Variants in PDZK1 observed in about 807,000 individuals in gnomAD.
The protein encoded by PDZK1 is PDZ domain containing 1.
In PDZK1, 23 loss-of-function variants were observed where a neutral mutation model predicts 38.1. The observed-to-expected ratio is 0.60, with a 90% CI of 0.43 to 0.85. PDZK1 has a LOEUF of 0.85. Among genes scored for constraint, PDZK1 ranks in the 40% least tolerant of loss-of-function variants. The pLI, the probability that PDZK1 is intolerant of heterozygous loss-of-function variation, is 0.00. For missense variants in PDZK1, 297 were observed against 504.3 expected (o/e 0.59, Z 3.94); for synonymous variants, 98 against 186.2 (o/e 0.53, Z 3.86).
chr1:145,696,111 G>A (rs143288076), intron 1 of PDZK1, among the ~76,000 whole-genome samples: 613 of 152,290 alleles, frequency 4.0e-3, no homozygotes, highest in South Asian at 0.017. Flanking sequence ...ATCCCCTGTC[G>A]CAGAGTGGCA....
chr1:145,702,409 G>A (rs1212635785), intron 1 of PDZK1, among the ~76,000 whole-genome samples: 5 of 151,840 alleles, frequency 3.3e-5, no homozygotes, highest in South Asian at 4.2e-4. Flanking sequence ...CAGCTCAACC[G>A]CCTTGAGTGC....
rs372829934 is a variant in PDZK1 at position 145,687,940 on chromosome 1, T to C, written c.82A>G (p.Lys28Glu). 2.5e-6 allele frequency: 4 copies of C among 1,612,238 alleles called. No homozygotes were observed. The African/African-American group carries it at 5.4e-5, about 22-fold the overall frequency. Residue 28 changes from lysine (K) to glutamate (E), a missense_variant, in exon 2 of 9, where the codon AAG becomes GAG. Lys to Glu is a moderately conservative substitution (Grantham distance 56, BLOSUM62 1). Transcript: ENST00000417171. ...QNYGFFLRIE[K>E]DTEGHLVRVV... ...CGGACCAGGTGGCCCTCGGTGTCCT[T>C]CTCAATTCGCAGGAAGAAGCCATAG...
chr1:145,677,932 AAAAAAAAC>A (rs1275090037), intron 6 of PDZK1, among the ~76,000 whole-genome samples: 4 of 150,424 alleles, frequency 2.7e-5, no homozygotes, highest in Non-Finnish European at 5.9e-5. Context: ...AAAAAAAAAA[AAAAAAAAC>A]CTTAAAACAT....
chr1:145,674,367 A>G (rs1243098285), intron 6 of PDZK1: 1 of 612,350 alleles, frequency 1.6e-6, no homozygotes, highest in Admixed American at 6.3e-5. Flanking sequence ...GACACTTGTG[A>G]TAGTTAATTT....
intron 1 of PDZK1, among the ~76,000 whole-genome samples, chr1:145,702,892 CA>C (rs797040996): frequency 1.3e-5 from 2 of 150,832 alleles, no homozygotes; most frequent in African/African-American, 4.9e-5. Context: ...GACTCCGTCT[CA>C]AAAAAAAAGA....
rs1654195571 is a variant in PDZK1, at chr1:145,681,073, A to G, written c.632T>C (p.Leu211Pro). 1 of 565,824 alleles carries G rather than the reference A, an allele frequency of 1.8e-6. No individual in the cohort carries two copies. The highest frequency in any genetic ancestry group is 3.1e-6 in the Non-Finnish European group (1 of 324,980). 35.1% of individuals were successfully genotyped at this position (565,824 alleles called of 1,614,324 possible). The change falls in exon 5 of 9, where the codon CTG becomes CCG. Residue 211 changes from leucine to proline, a missense_variant. Transcript: ENST00000417171. ...ACGCTTGTCAGTTTCTTTGTCCACCAGCAGGAACATGACACGGCTTCCTGA... is the reference window on the plus strand; with the variant it reads ...ACGCTTGTCAGTTTCTTTGTCCACCGGCAGGAACATGACACGGCTTCCTGA... ...KKSGSRVMFL[L>P]VDKETDKRHV... is the part of the protein sequence containing the mutation.
intron 1 of PDZK1, among the ~76,000 whole-genome samples, chr1:145,700,607 T>C (rs1231094772): frequency 6.6e-6 from 1 of 152,128 alleles, no homozygotes; most frequent in Non-Finnish European, 1.5e-5. Context: ...ATAAACAGCA[T>C]TCTGCTTGGA....
chr1:145,701,077 C>T (rs1797051), intron 1 of PDZK1, among the ~76,000 whole-genome samples: 57,445 of 151,466 alleles, frequency 0.38, 11,996 homozygotes, highest in East Asian at 0.6. Flanking sequence ...TGGTGGCACA[C>T]GCCTGTAGTC....
At chr1:145,697,331 GGGAA>G (rs1217959853) in intron 1 of PDZK1, among the ~76,000 whole-genome samples, 5 of 151,350 alleles carry the variant, frequency 3.3e-5, no homozygotes, top group Admixed American at 1.3e-4. Context: ...ACAGAAAGGA[GGGAA>G]GGAAGGAAGG....
At chr1:145,702,395 TAGAC>T (rs1427333142) in intron 1 of PDZK1, among the ~76,000 whole-genome samples, 2 of 152,180 alleles carry the variant, frequency 1.3e-5, no homozygotes, top group Non-Finnish European at 2.9e-5. Context: ...ATGCTGCTGA[TAGAC>T]AGCTCAACCG....
intron 3 of PDZK1, among the ~76,000 whole-genome samples, chr1:145,683,881 C>G (rs1388618087): frequency 6.7e-6 from 1 of 148,610 alleles, no homozygotes; most frequent in Non-Finnish European, 1.5e-5. Context: ...GAGTCTCGCT[C>G]TGTCACCTAG....
chr1:145,692,372 A>T (rs1655288152), intron 1 of PDZK1, among the ~76,000 whole-genome samples: 1 of 152,178 alleles, frequency 6.6e-6, no homozygotes. Flanking sequence ...GCTGTTCCTG[A>T]GTGCTCTTTG....
At chr1:145,701,905 A>G (rs1553705030) in intron 1 of PDZK1, among the ~76,000 whole-genome samples, 1 of 152,246 alleles carries the variant, frequency 6.6e-6, no homozygotes, top group East Asian at 1.9e-4. Context: ...TTCTCCTCTG[A>G]AAAGCAAAGC....
chr1:145,695,628 G>T (rs1655587371), intron 1 of PDZK1, among the ~76,000 whole-genome samples: 1 of 152,082 alleles, frequency 6.6e-6, no homozygotes, highest in African/African-American at 2.4e-5. Flanking sequence ...GGTGGAAAGG[G>T]GCACCACTCA....
At chr1:145,689,872 C>T (rs142002456) in intron 1 of PDZK1, among the ~76,000 whole-genome samples, 5 of 152,280 alleles carry the variant, frequency 3.3e-5, no homozygotes, top group South Asian at 2.1e-4. Context: ...CCCACAGAGA[C>T]GTACAGTACA....
chr1:145,672,112 C>T (rs74119457), intron 8 of PDZK1, among the ~76,000 whole-genome samples: 4,602 of 151,956 alleles, frequency 0.03, 215 homozygotes, highest in African/African-American at 0.1. Context: ...AAAAATTGGG[C>T]AAAAATATAA....
At chr1:145,703,333 AC>A (rs1553705252) in intron 1 of PDZK1, among the ~76,000 whole-genome samples, 3 of 152,198 alleles carry the variant, frequency 2.0e-5, no homozygotes, top group Non-Finnish European at 4.4e-5. Context: ...CTGCTGAACA[AC>A]GTTGTGGGTG....
intron 1 of PDZK1, among the ~76,000 whole-genome samples, chr1:145,693,188 A>G (rs1431049906): frequency 6.6e-6 from 1 of 152,190 alleles, no homozygotes; most frequent in Non-Finnish European, 1.5e-5. Context: ...ACCCATGCCC[A>G]AAGGCTCCAG....
At chr1:145,695,311 A>G (rs781807480) in intron 1 of PDZK1, among the ~76,000 whole-genome samples, 9 of 152,164 alleles carry the variant, frequency 5.9e-5, no homozygotes, top group African/African-American at 1.9e-4. Flanking sequence ...AGTCCCAGCT[A>G]TTGAGGAGGC....
Sources: gnomAD v4.1 joint callset for allele counts (sites outside exome capture counted in the v4.1 genomes callset) on GRCh38, gnomAD v4.1.1 for gene constraint, MANE v1.5 for transcripts, NCBI Gene and HGNC (gene_info 2026-07-23, HGNC 2026-07-21) for gene names.